The following HTT variants were observed in gnomAD, a reference collection of about 807,000 sequenced individuals.
The protein encoded by HTT is huntington disease protein.
HTT carries 104 observed loss-of-function variants against 362.3 expected under a neutral mutation model. That is an observed-to-expected ratio of 0.29 (90% CI 0.24 to 0.34). HTT has a LOEUF of 0.34. Among genes scored for constraint, HTT ranks in the 10% least tolerant of loss-of-function variants. HTT has a pLI of 1.00. For synonymous variants in HTT, 1,577 were observed against 1,548.7 expected (o/e 1.02, Z -0.43); for missense variants, 3,301 against 3,928.6 (o/e 0.84, Z 4.27).
In HTT at chr4:3,206,556, C is replaced by G; in HGVS notation, c.5779C>G (p.Leu1927Val). ...GCTCATTGTAAATCACATTCAAGAT[C>G]TGATCAGCCTTTCCCACGAGCCTCC... is the stretch of plus-strand genomic sequence containing the variant. ...TWLIVNHIQD[L>V]ISLSHEPPVQ... The change falls in exon 43 of 67, where the codon CTG becomes GTG. Residue 1927 changes from leucine to valine, a missense_variant. Coordinates refer to ENST00000355072, the MANE Select transcript of HTT (RefSeq NM_001388492.1). The surrounding 1 kb of genome is among the most constrained non-coding windows in gnomAD (Gnocchi z 4.6). 2 of 1,614,082 alleles carry G rather than the reference C, an allele frequency of 1.2e-6. No homozygotes were observed. The highest frequency in any genetic ancestry group is 1.7e-6 in the Non-Finnish European group (2 of 1,179,970).
rs370382424 is a variant in HTT at position 3,225,771 on chromosome 4, C to G, written c.7848+28C>G. The G allele has an allele frequency of 7.9e-4, 1,243 of 1,578,716 alleles. 8 individuals carry two copies. Among genetic ancestry groups the G allele is most frequent in the Middle Eastern group, 3.3e-3 (20 of 5,986 alleles). On this transcript the variant is annotated intron_variant, in intron 57 of 66. Transcript: ENST00000355072. ...CAGTCTCGCGCCCCCGCCGCCTGGC[C>G]TCTGTCCGTTTCTGTCCTCAGACTT...
rs1451771950 is a variant in HTT at position 3,121,282 on chromosome 4, G to A, written c.1123G>A (p.Gly375Arg). ...TQHQDHNVVT[G>R]ALELLQQLFR... ...GCACCAAGACCACAATGTTGTGACC[G>A]GAGCCCTGGAGCTGTTGCAGCAGCT... The change falls in exon 9 of 67, where the codon GGA becomes AGA. Residue 375 changes from glycine (G) to arginine (R), a missense_variant. Physicochemically the swap from Gly to Arg is moderately radical, Grantham distance 125. Transcript: ENST00000355072. 7 of 1,613,976 alleles carry A rather than the reference G, an allele frequency of 4.3e-6. No homozygotes were observed. Among genetic ancestry groups the A allele is most frequent in the African/African-American group, 1.3e-5 (1 of 74,898 alleles).
At chr4:3,180,277 G>A (rs182456112) in intron 35 of HTT, among the ~76,000 whole-genome samples, 5 of 152,234 alleles carry the variant, frequency 3.3e-5, no homozygotes, top group Admixed American at 2.0e-4. Context: ...TAAATTATAG[G>A]AGCCCTAGGT....
intron 33 of HTT, 151 bp from the exon 34 acceptor site, chr4:3,177,181 C>G (rs363135): frequency 5.7e-5 from 37 of 653,500 alleles, no homozygotes; most frequent in Middle Eastern, 3.9e-4. Context: ...ATTATCTAGG[C>G]TGATTTCAGA....
chr4:3,152,390 T>C (rs1716942907), intron 26 of HTT, among the ~76,000 whole-genome samples: 2 of 151,336 alleles, frequency 1.3e-5, no homozygotes, highest in Admixed American at 1.3e-4. Context: ...GAGCTACCGC[T>C]CCCAGCCAGG....
intron 41 of HTT, among the ~76,000 whole-genome samples, chr4:3,201,821 G>A (rs1231978122): frequency 2.6e-5 from 4 of 152,144 alleles, no homozygotes; most frequent in Non-Finnish European, 1.5e-5. Context: ...TCCATGAGAT[G>A]AGAAAAATGA....
chr4:3,174,138 C>T (rs1169174896), intron 31 of HTT, among the ~76,000 whole-genome samples: 1 of 148,976 alleles, frequency 6.7e-6, no homozygotes, highest in African/African-American at 2.6e-5. Flanking sequence ...ACAATTAAAA[C>T]ACTAGAGTCA....
chr4:3,102,624 C>G (rs16843803), intron 3 of HTT, among the ~76,000 whole-genome samples: 1 of 152,106 alleles, frequency 6.6e-6, no homozygotes, highest in African/African-American at 2.4e-5. Context: ...ACAAGTTTTA[C>G]GAAGACCATC....
intron 10 of HTT, among the ~76,000 whole-genome samples, chr4:3,125,307 TGAGA>T (rs1295362792): frequency 6.6e-6 from 1 of 152,184 alleles, no homozygotes; most frequent in Admixed American, 6.5e-5. Context: ...TGGTATAGTT[TGAGA>T]ATCATTGCTT....
intron 2 of HTT, among the ~76,000 whole-genome samples, chr4:3,094,746 C>T (rs889372563): frequency 4.9e-5 from 7 of 144,060 alleles, no homozygotes; most frequent in South Asian, 4.5e-4. Flanking sequence ...GGCTGCCGGG[C>T]GGAGGGGCTC....
At chr4:3,220,426 T>C in intron 53 of HTT, 118 bp downstream of exon 53, 1 of 1,063,486 alleles carries the variant, frequency 9.4e-7, no homozygotes, top group Non-Finnish European at 1.4e-6. Context: ...AGCATGATAA[T>C]AATACAAACC....
At chr4:3,223,941 G>A in intron 55 of HTT, 51 bp from the exon 56 acceptor site, 1 of 1,599,848 alleles carries the variant, frequency 6.3e-7, no homozygotes, top group Non-Finnish European at 8.6e-7. Flanking sequence ...TTTTTCACTT[G>A]TAAGATTTTG....
In HTT at chr4:3,228,961, C is replaced by A. The variant is rs1266445805; in HGVS notation, c.8061C>A (p.Ser2687Arg). The part of the protein sequence containing the change: ...ELYSRWILPS[S>R]SARRTPAILI... The stretch of plus-strand genomic sequence containing the variant: ...ACAGCCGCTGGATCCTGCCGTCCAG[C>A]TCAGCCAGGAGGACCCCGGCCATCC... The change falls in exon 59 of 67, where the codon AGC becomes AGA. Residue 2687 changes from serine (S) to arginine (R), a missense_variant. Transcript: ENST00000355072. This position sits in a 1 kb window ranked among gnomAD's most constrained non-coding sequence, Gnocchi z 4.3. 6.2e-7 allele frequency: 1 copy of A among 1,613,750 alleles called. No homozygotes were observed.
intron 14 of HTT, 75 bp downstream of exon 14, chr4:3,130,498 CTACTT>C (rs1715757475): frequency 2.7e-6 from 2 of 751,960 alleles, no homozygotes; most frequent in Non-Finnish European, 4.5e-6. Context: ...TGGCTACTGT[CTACTT>C]TATTGCTTTC....
rs550518339 is a variant in HTT at position 3,159,284 on chromosome 4, C to A, written c.3754-998C>A. 2.6e-5 allele frequency among the ~76,000 whole-genome samples: 4 copies of A among 152,316 alleles called. No homozygotes were observed. In the South Asian group the frequency reaches 8.3e-4, roughly 32 times the overall value. Reference sequence around the variant, plus strand: ...TTTCATCTTAATTCTCATCTCATGACCTCTTTTCCCTTCTTTGAGAGCTAG... The same window carrying A: ...TTTCATCTTAATTCTCATCTCATGAACTCTTTTCCCTTCTTTGAGAGCTAG... On this transcript the variant is annotated intron_variant, in intron 28 of 66. Transcript: ENST00000355072.
chr4:3,177,285 C>T (rs2110236955), intron 33 of HTT, 47 bp from the exon 34 acceptor site: 1 of 1,315,812 alleles, frequency 7.6e-7, no homozygotes. Flanking sequence ...CTGGTTTTTA[C>T]ATTTTAATCC....
chr4:3,238,806 T>C lies in HTT; in HGVS notation c.9055-12T>C, dbSNP rs766860732. 2.6e-6 allele frequency: 4 copies of C among 1,560,910 alleles called. No homozygotes were observed. In the Admixed American group the frequency reaches 6.9e-5, roughly 27 times the overall value. On this transcript the variant is annotated splice_polypyrimidine_tract_variant and intron_variant, in intron 65 of 66. Coordinates refer to ENST00000355072, the MANE Select transcript of HTT (RefSeq NM_001388492.1). Reference sequence around the variant, plus strand: ...CAGCCCTGACACTCAGGCACCTGCTTGCTCCTTGCAGGTGTTTCAGACTCT... The same window carrying C: ...CAGCCCTGACACTCAGGCACCTGCTCGCTCCTTGCAGGTGTTTCAGACTCT...
At position 3,134,427 on chromosome 4, in the gene HTT, C is replaced by T; in HGVS notation, c.2520C>T (p.Ser840=). The change falls in exon 19 of 67, where the codon AGC becomes AGT. Residue 840 remains serine (S), a synonymous_variant. Coordinates refer to ENST00000355072, the MANE Select transcript of HTT (RefSeq NM_001388492.1). The part of the protein sequence containing the change: ...VRNCVMSLCS[S]SYSELGLQLI... ...ACTGTGTCATGAGTCTCTGCAGCAGCAGCTACAGTGAGTTAGGACTGCAGC... is the reference window on the plus strand; with the variant it reads ...ACTGTGTCATGAGTCTCTGCAGCAGTAGCTACAGTGAGTTAGGACTGCAGC... The T allele has an allele frequency of 6.2e-7, 1 of 1,613,988 alleles. No homozygotes were observed. The highest frequency in any genetic ancestry group is 1.7e-4 in the Middle Eastern group (1 of 6,060).
intron 60 of HTT, among the ~76,000 whole-genome samples, chr4:3,232,547 G>A (rs1480288359): frequency 6.6e-6 from 1 of 152,232 alleles, no homozygotes; most frequent in Non-Finnish European, 1.5e-5. Flanking sequence ...GGTTGAAGTT[G>A]ACAGAAACCA....
Sources: gnomAD v4.1 joint callset for allele counts (sites outside exome capture counted in the v4.1 genomes callset) on GRCh38, gnomAD v4.1.1 for gene constraint, Gnocchi (gnomAD v3.1) non-coding constraint, MANE v1.5 for transcripts, NCBI Gene and HGNC (gene_info 2026-07-23, HGNC 2026-07-21) for gene names.